Variants in HIP1 observed in about 807,000 individuals in gnomAD.
HIP1 encodes huntingtin-interacting protein 1.
A neutral mutation model predicts 147.6 loss-of-function variants in HIP1; 65 were observed. The ratio of observed to expected loss-of-function variants is 0.44; its 90% CI spans 0.36 to 0.54. The LOEUF is 0.54. Ranked by LOEUF, HIP1 falls within the 20% of genes least tolerant of loss-of-function variation. The pLI, the probability that HIP1 is intolerant of heterozygous loss-of-function variation, is 0.00. For missense variants in HIP1, 1,061 were observed against 1,299.6 expected (o/e 0.82, Z 2.82); for synonymous variants, 479 against 504.0 (o/e 0.95, Z 0.67).
intron 1 of HIP1, among the ~76,000 whole-genome samples, chr7:75,686,105 G>C (rs782731684): frequency 6.6e-6 from 1 of 151,486 alleles, no homozygotes; most frequent in Non-Finnish European, 1.5e-5. Context: ...GGCCAGGCTG[G>C]TCTTGAACTC....
intron 1 of HIP1, among the ~76,000 whole-genome samples, chr7:75,724,200 G>T (rs990193225): frequency 3.3e-5 from 5 of 151,876 alleles, no homozygotes; most frequent in Admixed American, 6.6e-5. Flanking sequence ...CAGGTGATCC[G>T]CCTTGGCCTC....
At chr7:75,610,087 G>A (rs1345697219) in intron 1 of HIP1, among the ~76,000 whole-genome samples, 1 of 151,636 alleles carries the variant, frequency 6.6e-6, no homozygotes, top group African/African-American at 2.4e-5. Flanking sequence ...ATTTTTAGTA[G>A]AGACAGGGTT....
chr7:75,593,368 C>T (rs971489163), intron 2 of HIP1, among the ~76,000 whole-genome samples: 4 of 152,050 alleles, frequency 2.6e-5, no homozygotes, highest in Non-Finnish European at 5.9e-5. Flanking sequence ...CAGAGACTCA[C>T]GCCTATAATC....
In HIP1 at chr7:75,556,069, C is replaced by T. The variant is rs1563199892; in HGVS notation, c.1784G>A (p.Arg595Gln). 12 of 1,614,202 alleles carry T rather than the reference C, an allele frequency of 7.4e-6. No homozygotes were observed. The highest frequency in any genetic ancestry group is 1.7e-5 in the Admixed American group (1 of 60,014). Reference protein sequence around the residue: ...AHREEELSALRKELQDTQLKL... With the variant: ...AHREEELSALQKELQDTQLKL... ...GAGCTGAGTGTCCTGCAGTTCTTTCCGAAGAGCAGATAATTCCTCCTCCCT... is the reference window on the plus strand; with the variant it reads ...GAGCTGAGTGTCCTGCAGTTCTTTCTGAAGAGCAGATAATTCCTCCTCCCT... The change falls in exon 18 of 31, where the codon CGG becomes CAG. Residue 595 changes from arginine to glutamine, a missense_variant. Coordinates refer to ENST00000336926, the MANE Select transcript of HIP1 (RefSeq NM_005338.7).
chr7:75,721,869 G>C (rs986549038), intron 1 of HIP1, among the ~76,000 whole-genome samples: 9 of 152,204 alleles, frequency 5.9e-5, no homozygotes, highest in African/African-American at 2.2e-4. Context: ...AGAGGGAAGA[G>C]GCAAACAGGA....
At chr7:75,610,882 T>C (rs1797408242) in intron 1 of HIP1, among the ~76,000 whole-genome samples, 1 of 147,618 alleles carries the variant, frequency 6.8e-6, no homozygotes, top group Admixed American at 6.8e-5. Flanking sequence ...AAATTTTATA[T>C]ATTATTTATA....
At chr7:75,581,661 C>T (rs1164617489) in intron 6 of HIP1, among the ~76,000 whole-genome samples, 1 of 152,190 alleles carries the variant, frequency 6.6e-6, no homozygotes, top group Non-Finnish European at 1.5e-5. Context: ...TGCCTGTAAT[C>T]CCAGCTACTC....
chr7:75,710,975 C>A (rs76894116), intron 1 of HIP1, among the ~76,000 whole-genome samples: 7,870 of 152,182 alleles, frequency 0.052, 422 homozygotes, highest in Admixed American at 0.17. Context: ...TTAAATTACT[C>A]ATCTTTCATA....
chr7:75,541,042 G>T (rs1395836693), intron 29 of HIP1, among the ~76,000 whole-genome samples: 4 of 151,042 alleles, frequency 2.6e-5, no homozygotes, highest in Non-Finnish European at 5.9e-5. Flanking sequence ...AGGCAGGAGG[G>T]TTGTGTGAGG....
At chr7:75,666,433 G>T (rs1423871791) in intron 1 of HIP1, among the ~76,000 whole-genome samples, 1 of 152,140 alleles carries the variant, frequency 6.6e-6, no homozygotes, top group African/African-American at 2.4e-5. Context: ...GCCTCCCAAA[G>T]TGCTGGGATT....
intron 1 of HIP1, among the ~76,000 whole-genome samples, chr7:75,710,290 C>T (rs989102545): frequency 3.3e-5 from 5 of 152,070 alleles, no homozygotes; most frequent in African/African-American, 1.2e-4. Context: ...TTCCTTCATT[C>T]TGTTAATGTG....
chr7:75,540,431 T>A (rs1554489620), intron 29 of HIP1, among the ~76,000 whole-genome samples: 1 of 45,910 alleles, frequency 2.2e-5, no homozygotes, highest in African/African-American at 1.0e-4. Context: ...AGACTCGGTC[T>A]CAAAAAAAAA....
chr7:75,570,697 A>G (rs1307131038), intron 8 of HIP1, among the ~76,000 whole-genome samples: 1 of 152,146 alleles, frequency 6.6e-6, no homozygotes, highest in Non-Finnish European at 1.5e-5. Context: ...ATCTAAAACA[A>G]AAATAAATGT....
At chr7:75,566,311 TGCACCCGGCTGGTGTTAGCA>T (rs1795399387) in intron 9 of HIP1, among the ~76,000 whole-genome samples, 1 of 151,590 alleles carries the variant, frequency 6.6e-6, no homozygotes, top group East Asian at 1.9e-4. Flanking sequence ...CATGAGCCAC[TGCACCCGGCTGGTGTTAGCA>T]ACTTTTATTG....
At chr7:75,726,480 T>G (rs1253099767) in intron 1 of HIP1, among the ~76,000 whole-genome samples, 2 of 152,026 alleles carry the variant, frequency 1.3e-5, no homozygotes, top group African/African-American at 4.8e-5. Flanking sequence ...AGACAAGGTT[T>G]CACCTTGTTA....
At chr7:75,735,083 C>T (rs1554523500) in intron 1 of HIP1, among the ~76,000 whole-genome samples, 1 of 152,188 alleles carries the variant, frequency 6.6e-6, no homozygotes, top group Non-Finnish European at 1.5e-5. Flanking sequence ...TGCCTTCAGG[C>T]ATATTGGGCT....
chr7:75,571,325 A>T (rs1795626313), intron 8 of HIP1, among the ~76,000 whole-genome samples: 1 of 152,168 alleles, frequency 6.6e-6, no homozygotes. Flanking sequence ...TGAAAAGTTC[A>T]TCTGTATTCA....
intron 5 of HIP1, among the ~76,000 whole-genome samples, chr7:75,585,377 T>C (rs1290549608): frequency 1.3e-5 from 2 of 152,014 alleles, no homozygotes; most frequent in Non-Finnish European, 2.9e-5. Context: ...AGTTTTGCCA[T>C]GTTGGCCAGG....
intron 19 of HIP1, 71 bp downstream of exon 19, chr7:75,555,345 G>A: frequency 6.3e-7 from 1 of 1,577,416 alleles, no homozygotes; most frequent in East Asian, 2.2e-5. Flanking sequence ...AGTCTCACAT[G>A]AGATTCAACA....
Sources: gnomAD v4.1 joint callset for allele counts (sites outside exome capture counted in the v4.1 genomes callset) on GRCh38, gnomAD v4.1.1 for gene constraint, MANE v1.5 for transcripts, NCBI Gene and HGNC (gene_info 2026-07-23, HGNC 2026-07-21) for gene names.